BBX: variants seen among roughly 807,000 people sequenced by gnomAD.
BBX encodes the protein HMG box transcription factor BBX.
BBX carries 30 observed loss-of-function variants against 100.2 expected under a neutral mutation model. The ratio of observed to expected loss-of-function variants is 0.30; its 90% CI spans 0.22 to 0.41. BBX has a LOEUF of 0.41. BBX is among the 10% of genes least tolerant of loss of function. The probability of loss-of-function intolerance (pLI) is 1.00; values close to 1 mark genes in which losing one functional copy is unlikely to be tolerated. For missense variants in BBX, 1,023 were observed against 1,129.8 expected (o/e 0.91, Z 1.35); for synonymous variants, 376 against 388.1 (o/e 0.97, Z 0.37).
At position 107,810,672 on chromosome 3, in the gene BBX, G is replaced by C. The variant is rs988351217; in HGVS notation, c.*5215G>C. The C allele has an allele frequency of 1.3e-5, 2 of 152,192 alleles. No individual in the cohort carries two copies. Among genetic ancestry groups the C allele is most frequent in the African/African-American group, 4.8e-5 (2 of 41,436 alleles). 9.4% of individuals were successfully genotyped at this position (152,192 alleles called of 1,614,324 possible). ...GGAACGGGGGGTAGGGAAGGTTTGC[G>C]ATCTGGAGCTCAGCAACTGGCTCAG... On this transcript the variant is annotated 3_prime_UTR_variant, in exon 18 of 18. Transcript: ENST00000325805.
At chr3:107,657,711 G>A (rs1426149582) in intron 3 of BBX, among the ~76,000 whole-genome samples, 2 of 152,096 alleles carry the variant, frequency 1.3e-5, no homozygotes, top group African/African-American at 4.8e-5. Flanking sequence ...GGGATGGATT[G>A]GATTTGAACA....
intron 2 of BBX, among the ~76,000 whole-genome samples, chr3:107,594,130 T>C (rs1250790200): frequency 6.6e-6 from 1 of 152,184 alleles, no homozygotes; most frequent in Non-Finnish European, 1.5e-5. Flanking sequence ...AGACCAGGTA[T>C]TTGCTATTTT....
chr3:107,625,737 A>G (rs1227618472), intron 2 of BBX, among the ~76,000 whole-genome samples: 4 of 152,188 alleles, frequency 2.6e-5, no homozygotes, highest in Non-Finnish European at 1.5e-5. Context: ...GTCTGTATAT[A>G]AAAACTTCAC....
intron 2 of BBX, among the ~76,000 whole-genome samples, chr3:107,545,676 C>T (rs548322180): frequency 2.0e-5 from 3 of 152,132 alleles, no homozygotes; most frequent in Non-Finnish European, 4.4e-5. Flanking sequence ...CAATAATGAC[C>T]TTTCTTGCTC....
chr3:107,703,113 A>G (rs1352038128), intron 3 of BBX, among the ~76,000 whole-genome samples: 1 of 152,224 alleles, frequency 6.6e-6, no homozygotes, highest in East Asian at 1.9e-4. Context: ...ATTATGTCCT[A>G]GCCATGTAAT....
intron 2 of BBX, among the ~76,000 whole-genome samples, chr3:107,639,257 C>T (rs1229542220): frequency 1.3e-5 from 2 of 152,166 alleles, no homozygotes; most frequent in African/African-American, 4.8e-5. Context: ...AGGGAACACT[C>T]TTGCCTCAAC....
chr3:107,723,406 AT>A (rs1222250474), intron 5 of BBX, among the ~76,000 whole-genome samples: 3 of 151,540 alleles, frequency 2.0e-5, no homozygotes, highest in Non-Finnish European at 4.4e-5. Flanking sequence ...TTTTTATTTT[AT>A]TTTTTTAATT....
intron 2 of BBX, among the ~76,000 whole-genome samples, chr3:107,573,122 C>T (rs1265610065): frequency 3.3e-5 from 5 of 152,116 alleles, no homozygotes; most frequent in East Asian, 1.9e-4. Flanking sequence ...TTAATGTGTA[C>T]GTAGAATAAA....
chr3:107,599,791 T>TG (rs2053933867), intron 2 of BBX, among the ~76,000 whole-genome samples: 1 of 152,190 alleles, frequency 6.6e-6, no homozygotes. Flanking sequence ...ACTCCTGAAA[T>TG]GCTGGTTCAG....
At chr3:107,725,159 T>A (rs2062826282) in intron 5 of BBX, among the ~76,000 whole-genome samples, 1 of 152,188 alleles carries the variant, frequency 6.6e-6, no homozygotes, top group Non-Finnish European at 1.5e-5. Flanking sequence ...TATTTTATTC[T>A]CTTTGAAGCA....
In BBX at chr3:107,738,801, GCACTGTGTTCACAGTTGA is replaced by G. The variant is rs2063849933; in HGVS notation, c.669+5781_669+5798del. On this transcript the variant is annotated intron_variant, in intron 7 of 17. Transcript: ENST00000325805. The stretch of plus-strand genomic sequence containing the variant: ...TTTTGTGAGTGCTTTCTGGGGCCAG[GCACTGTGTTCACAGTTGA>G]CATTGAGTATCTCATTCTCTCAAGA... 2.0e-5 allele frequency among the ~76,000 whole-genome samples: 3 copies of G among 152,150 alleles called. No individual in the cohort carries two copies. The South Asian group carries it at 6.2e-4, about 32-fold the overall frequency.
chr3:107,764,962 A>G (rs1326299394), intron 10 of BBX, among the ~76,000 whole-genome samples: 1 of 152,158 alleles, frequency 6.6e-6, no homozygotes, highest in African/African-American at 2.4e-5. Flanking sequence ...TTGTACCCCA[A>G]AGTAGAACTG....
intron 3 of BBX, among the ~76,000 whole-genome samples, chr3:107,686,120 G>T (rs1475746011): frequency 6.6e-6 from 1 of 152,096 alleles, no homozygotes; most frequent in Non-Finnish European, 1.5e-5. Context: ...CATACTAATA[G>T]TACAAATTCA....
intron 17 of BBX, among the ~76,000 whole-genome samples, chr3:107,802,282 G>A (rs2070581106): frequency 6.6e-6 from 1 of 152,212 alleles, no homozygotes; most frequent in Admixed American, 6.5e-5. Context: ...CCTGACGTGA[G>A]CTTGGTTTGC....
intron 9 of BBX, among the ~76,000 whole-genome samples, chr3:107,753,759 G>A (rs189207573): frequency 1.1e-4 from 16 of 152,298 alleles, no homozygotes; most frequent in African/African-American, 3.1e-4. Flanking sequence ...GCAGTGCTAC[G>A]CAGCTTGTGG....
chr3:107,543,029 G>A (rs958564407), intron 2 of BBX, among the ~76,000 whole-genome samples: 10 of 152,110 alleles, frequency 6.6e-5, no homozygotes, highest in African/African-American at 1.2e-4. Context: ...TAAACATATG[G>A]TAAACTTCTA....
chr3:107,538,531 A>G (rs578116842), intron 2 of BBX, among the ~76,000 whole-genome samples: 1 of 152,296 alleles, frequency 6.6e-6, no homozygotes, highest in South Asian at 2.1e-4. Context: ...TCTTCATTAA[A>G]TAGATATTTT....
At chr3:107,739,052 A>G (rs1297416720) in intron 7 of BBX, among the ~76,000 whole-genome samples, 3 of 152,208 alleles carry the variant, frequency 2.0e-5, no homozygotes, top group Non-Finnish European at 4.4e-5. Flanking sequence ...TAAAGGAATG[A>G]TTATGTCCAC....
chr3:107,657,363 A>C (rs1035660143), intron 3 of BBX, among the ~76,000 whole-genome samples: 1 of 152,176 alleles, frequency 6.6e-6, no homozygotes, highest in Non-Finnish European at 1.5e-5. Context: ...CTTCAATGAC[A>C]ATTTTCTAAA....
Sources: allele counts gnomAD v4.1 joint callset (sites outside exome capture counted in the v4.1 genomes callset), GRCh38; gene constraint gnomAD v4.1.1; transcripts MANE v1.5; gene names NCBI Gene and HGNC (gene_info 2026-07-23, HGNC 2026-07-21).